The following MAPKAPK5 variants were observed in gnomAD, a reference collection of about 807,000 sequenced individuals.
MAPKAPK5 encodes MAP kinase-activated protein kinase 5.
MAPKAPK5 carries 30 observed loss-of-function variants against 65.1 expected under a neutral mutation model. The observed-to-expected ratio is 0.46, with a 90% CI of 0.34 to 0.63. The LOEUF is 0.63. MAPKAPK5 is among the 20% of genes least tolerant of loss of function. The pLI is 0.01. For synonymous variants in MAPKAPK5, 179 were observed against 204.6 expected (o/e 0.87, Z 1.07); for missense variants, 433 against 581.4 (o/e 0.74, Z 2.63).
Position 111,899,770 on chromosome 12 carries a change from C to G in MAPKAPK5, c.*6709C>G. On this transcript the variant is annotated 3_prime_UTR_variant, in exon 14 of 14. Coordinates refer to ENST00000550735, the MANE Select transcript of MAPKAPK5 (RefSeq NM_003668.4). The stretch of plus-strand genomic sequence containing the variant: ...AACATCTGTGCAGGTCTCAGGGGCA[C>G]ATCCTCCTGATTAAGGAGGAAAAAT... 1 of 374,058 alleles carries G rather than the reference C, an allele frequency of 2.7e-6. No homozygotes were observed. The highest frequency in any genetic ancestry group is 3.0e-5 in the Admixed American group (1 of 33,036). 23.2% of individuals were successfully genotyped at this position (374,058 alleles called of 1,614,324 possible). A position where few individuals can be genotyped will look rare whatever the true frequency, so the allele number is the denominator to read the frequency against.
At chr12:111,852,490 A>G (rs937391780) in intron 1 of MAPKAPK5, among the ~76,000 whole-genome samples, 13 of 152,192 alleles carry the variant, frequency 8.5e-5, no homozygotes, top group African/African-American at 3.1e-4. Flanking sequence ...CTCTATTGTA[A>G]CAATATAGTA....
At position 111,898,142 on chromosome 12, in the gene MAPKAPK5, C is replaced by G. The variant is rs2070881754; in HGVS notation, c.*5081C>G. ...TTTTCTTGATGAAATGTTAACTAGA[C>G]ACCTGGTTAGTCAGCTTTTATTTTG... On this transcript the variant is annotated 3_prime_UTR_variant, in exon 14 of 14. Coordinates refer to ENST00000550735, the MANE Select transcript of MAPKAPK5 (RefSeq NM_003668.4). 6.6e-6 allele frequency: 1 copy of G among 151,862 alleles called. No homozygotes were observed. Among genetic ancestry groups the G allele is most frequent in the Non-Finnish European group, 1.5e-5 (1 of 67,980 alleles). 9.4% of individuals were successfully genotyped at this position (151,862 alleles called of 1,614,324 possible). A position where few individuals can be genotyped will look rare whatever the true frequency, so the allele number is the denominator to read the frequency against.
chr12:111,874,495 A>AGG, intron 7 of MAPKAPK5, among the ~76,000 whole-genome samples: 1 of 129,830 alleles, frequency 7.7e-6, no homozygotes, highest in African/African-American at 2.9e-5. Flanking sequence ...TTTGAGATGG[A>AGG]ATTGCACTCT....
intron 6 of MAPKAPK5, among the ~76,000 whole-genome samples, chr12:111,870,719 CTCTG>C (rs1022833752): frequency 3.3e-5 from 5 of 152,222 alleles, no homozygotes; most frequent in African/African-American, 7.2e-5. Context: ...AGATAAGTTG[CTCTG>C]TCTATCATGA....
chr12:111,842,625 G>A lies in MAPKAPK5; in HGVS notation c.-109G>A, dbSNP rs2068749735. Reference sequence around the variant, plus strand: ...TCCCGAGGGGCGGCTGCTGCCCGTCGCCACGAGGCCCAGGGGCCCGAGTGC... The same window carrying A: ...TCCCGAGGGGCGGCTGCTGCCCGTCACCACGAGGCCCAGGGGCCCGAGTGC... On this transcript the variant is annotated 5_prime_UTR_variant, in exon 1 of 14. Transcript: ENST00000550735. The A allele has an allele frequency of 2.7e-6, 2 of 736,478 alleles. No homozygotes were observed. Among genetic ancestry groups the A allele is most frequent in the Non-Finnish European group, 3.8e-6 (2 of 520,530 alleles). 45.6% of individuals were successfully genotyped at this position (736,478 alleles called of 1,614,324 possible).
chr12:111,886,170 C>A, intron 10 of MAPKAPK5, 134 bp downstream of exon 10: 4 of 1,331,814 alleles, frequency 3.0e-6, no homozygotes, highest in Non-Finnish European at 4.1e-6. Context: ...CTCTGGTTTC[C>A]TGAGAGTCAG....
chr12:111,866,701 C>G (rs1228866241), intron 3 of MAPKAPK5, among the ~76,000 whole-genome samples: 2 of 152,132 alleles, frequency 1.3e-5, no homozygotes, highest in African/African-American at 2.4e-5. Context: ...CCTCCGCCTC[C>G]CGGGTTCAAG....
At chr12:111,890,207 T>C (rs1169319578) in intron 13 of MAPKAPK5, 63 bp downstream of exon 13, 4 of 1,241,998 alleles carry the variant, frequency 3.2e-6, no homozygotes, top group Non-Finnish European at 4.6e-6. Flanking sequence ...TTAGAACATA[T>C]AGGATCTCTT....
rs117420518 is a variant in MAPKAPK5 at position 111,883,867 on chromosome 12, G to A, written c.848+99G>A. ...AGAAAAGTCACTGGTTTCCTAGGCA[G>A]GCTCCTCCCCGTTTTAATATCACAG... On this transcript the variant is annotated intron_variant, in intron 9 of 13. Coordinates refer to ENST00000550735, the MANE Select transcript of MAPKAPK5 (RefSeq NM_003668.4). The surrounding 1 kb of genome is among the most constrained non-coding windows in gnomAD (Gnocchi z 4.8). 14,938 of 1,225,080 alleles carry A rather than the reference G, an allele frequency of 0.012. 132 individuals carry two copies. The highest frequency in any genetic ancestry group is 0.015 in the Non-Finnish European group (13,197 of 890,580). The allele number at this position is 1,225,080 out of a possible 1,614,324, so 75.9% of individuals were successfully genotyped here.
At chr12:111,853,249 G>A (rs2069138563) in intron 1 of MAPKAPK5, among the ~76,000 whole-genome samples, 2 of 151,910 alleles carry the variant, frequency 1.3e-5, no homozygotes, top group South Asian at 2.1e-4. Flanking sequence ...GCAAGCGCCT[G>A]TAGTCCCTGC....
Position 111,868,810 on chromosome 12 carries a change from C to A in MAPKAPK5, c.342C>A (p.Ile114=). 6.4e-7 allele frequency: 1 copy of A among 1,569,178 alleles called. No homozygotes were observed. Among genetic ancestry groups the A allele is most frequent in the South Asian group, 1.2e-5 (1 of 84,994 alleles). The part of the protein sequence containing the change: ...MMEGGELFHR[I]SQHRHFTEKQ... ...AAGGGGGAGAGCTATTTCACAGAAT[C>A]AGCCAGCACCGGCACTTTACAGAGA... The change falls in exon 5 of 14, where the codon ATC becomes ATA. Residue 114 remains isoleucine, a synonymous_variant. Coordinates refer to ENST00000550735, the MANE Select transcript of MAPKAPK5 (RefSeq NM_003668.4).
At position 111,900,248 on chromosome 12, in the gene MAPKAPK5, T is replaced by C; in HGVS notation, c.*7187T>C. 1 of 455,954 alleles carries C rather than the reference T, an allele frequency of 2.2e-6. No homozygotes were observed. Among genetic ancestry groups the C allele is most frequent in the Non-Finnish European group, 4.4e-6 (1 of 226,764 alleles). 28.2% of individuals were successfully genotyped at this position (455,954 alleles called of 1,614,324 possible). On this transcript the variant is annotated 3_prime_UTR_variant, in exon 14 of 14. Coordinates refer to ENST00000550735, the MANE Select transcript of MAPKAPK5 (RefSeq NM_003668.4). ...CCCACATGATCGTTGGGCATCACCC[T>C]GGACAGAATATGGGCCAGGCCTTTC... is the stretch of plus-strand genomic sequence containing the variant.
chr12:111,895,090 T>C lies in MAPKAPK5; in HGVS notation c.*2029T>C, dbSNP rs1355403632. 4.3e-5 allele frequency: 6 copies of C among 140,314 alleles called. No homozygotes were observed. The highest frequency in any genetic ancestry group is 9.0e-5 in the Non-Finnish European group (6 of 66,744). 8.7% of individuals were successfully genotyped at this position (140,314 alleles called of 1,614,324 possible). ...TTAAGAATTACCTTATTACATTGCT[T>C]CCTTTTTTTTTTTTTTTTTTTTTTG... On this transcript the variant is annotated 3_prime_UTR_variant, in exon 14 of 14. Transcript: ENST00000550735.
intron 2 of MAPKAPK5, 54 bp downstream of exon 2, chr12:111,865,377 AG>A: frequency 8.1e-7 from 1 of 1,231,176 alleles, no homozygotes; most frequent in Non-Finnish European, 1.2e-6. Context: ...GCAAACTCTG[AG>A]AAGGGCCATT....
intron 1 of MAPKAPK5, among the ~76,000 whole-genome samples, chr12:111,855,257 G>A (rs1239143413): frequency 6.6e-6 from 1 of 151,774 alleles, no homozygotes; most frequent in African/African-American, 2.4e-5. Flanking sequence ...CTATTTTTCT[G>A]TATTCTGTTT....
Position 111,853,202 on chromosome 12 carries a change from A to G in MAPKAPK5, c.36+10433A>G, listed in dbSNP as rs566066204. Among the ~76,000 whole-genome samples, 207 of 143,538 alleles carry G rather than the reference A, an allele frequency of 1.4e-3. 1 individual carries two copies. The highest frequency in any genetic ancestry group is 2.1e-3 in the Non-Finnish European group (135 of 64,958). The allele number at this position is 143,538 out of a possible 152,430, so 94.2% of individuals were successfully genotyped here. On this transcript the variant is annotated intron_variant, in intron 1 of 13. Transcript: ENST00000550735. ...AACACAGTGAAACCCCCTCTCTACTAAAAAAAAAAAATACAAAAAACTAGC... is the reference window on the plus strand; with the variant it reads ...AACACAGTGAAACCCCCTCTCTACTGAAAAAAAAAAATACAAAAAACTAGC...
rs1286083576 is a variant in MAPKAPK5, at chr12:111,842,742, G to T, written c.9G>T (p.Glu3Asp). 2 of 1,359,016 alleles carry T rather than the reference G, an allele frequency of 1.5e-6. No homozygotes were observed. The allele number at this position is 1,359,016 out of a possible 1,614,324, so 84.2% of individuals were successfully genotyped here. A position where few individuals can be genotyped will look rare whatever the true frequency, so the allele number is the denominator to read the frequency against. Residue 3 changes from glutamate to aspartate, a missense_variant, in exon 1 of 14, where the codon GAG becomes GAT. Physicochemically the swap from Glu to Asp is conservative, Grantham distance 45. Around this residue, in one of 3 missense-constraint regions of MAPKAPK5, gnomAD observed 165 missense variants for 180.0 expected, o/e 0.92. Coordinates refer to ENST00000550735, the MANE Select transcript of MAPKAPK5 (RefSeq NM_003668.4). Reference protein sequence around the residue: MSEESDMDKAIKE... With the variant: MSDESDMDKAIKE... Reference sequence around the variant, plus strand: ...TGGGGGCCCCACTGAGTATGTCGGAGGAGAGCGACATGGACAAAGCCATCA... The same window carrying T: ...TGGGGGCCCCACTGAGTATGTCGGATGAGAGCGACATGGACAAAGCCATCA...
chr12:111,886,153 G>A, intron 10 of MAPKAPK5, 117 bp downstream of exon 10: 1 of 1,419,720 alleles, frequency 7.0e-7, no homozygotes, highest in Admixed American at 2.1e-5. Context: ...CCTTCCCAGA[G>A]AAACATCTCT....
At chr12:111,888,761 C>T in intron 11 of MAPKAPK5, 124 bp from the exon 12 acceptor site, 1 of 1,501,880 alleles carries the variant, frequency 6.7e-7, no homozygotes, top group South Asian at 1.3e-5. Context: ...TAAATAGTAT[C>T]AGGAGTTGGA....
Sources: gnomAD v4.1 joint callset for allele counts (sites outside exome capture counted in the v4.1 genomes callset) on GRCh38, gnomAD v4.1.1 for gene constraint, gnomAD v4.1.1 regional missense constraint, Gnocchi (gnomAD v3.1) non-coding constraint, MANE v1.5 for transcripts, NCBI Gene and HGNC (gene_info 2026-07-23, HGNC 2026-07-21) for gene names.